Variants in DLG5 observed in about 807,000 individuals in gnomAD.
DLG5 encodes disks large homolog 5.
In DLG5, 48 loss-of-function variants were observed where a neutral mutation model predicts 189.8. That is an observed-to-expected ratio of 0.25 (90% CI 0.20 to 0.32). The LOEUF (loss-of-function observed/expected upper bound fraction) is 0.32, where lower values mean the gene tolerates loss of function less well. Among genes scored for constraint, DLG5 ranks in the 10% least tolerant of loss-of-function variants. The pLI is 1.00. For synonymous variants in DLG5, 1,016 were observed against 1,054.1 expected, an observed-to-expected ratio of 0.96 and a Z score of 0.70; for missense variants, 2,160 against 2,544.7, an observed-to-expected ratio of 0.85 and a Z score of 3.25.
rs111956218 is a variant in DLG5 at position 77,909,442 on chromosome 10, C to G, written c.304+16775G>C. Among the ~76,000 whole-genome samples the G allele has an allele frequency of 8.0e-3, 1,223 of 151,936 alleles. 19 individuals are homozygous for G. Among genetic ancestry groups the G allele is most frequent in the African/African-American group, 0.027 (1,110 of 41,426 alleles). The stretch of plus-strand genomic sequence containing the variant: ...ATGGGTGCAGCAAACCACCATGGCA[C>G]GTGTATACCTATGTAACAAGCCTGC... On this transcript the variant is annotated intron_variant, in intron 1 of 31. Coordinates refer to ENST00000372391, the MANE Select transcript of DLG5 (RefSeq NM_004747.4).
intron 2 of DLG5, among the ~76,000 whole-genome samples, chr10:77,864,396 TC>T (rs972166687): frequency 2.0e-5 from 3 of 151,938 alleles, no homozygotes; most frequent in Non-Finnish European, 2.9e-5. Flanking sequence ...CACCACGTCA[TC>T]CTCACCTACA....
the DLG5 span, among the ~76,000 whole-genome samples, chr10:77,938,484 AAGGGAG>A: frequency 2.6e-5 from 4 of 152,146 alleles, no homozygotes; most frequent in African/African-American, 9.7e-5. Context: ...ATGAATTAGG[AAGGGAG>A]AGGAGATTAC....
intron 1 of DLG5, among the ~76,000 whole-genome samples, chr10:77,899,327 A>G (rs1845856128): frequency 6.6e-6 from 1 of 152,220 alleles, no homozygotes; most frequent in Admixed American, 6.5e-5. Context: ...AACTGGTAGC[A>G]GAAAACTCCC....
chr10:77,820,331 G>T, intron 15 of DLG5: 1 of 193,780 alleles, frequency 5.2e-6, no homozygotes, highest in Non-Finnish European at 1.0e-5. Flanking sequence ...GGGTGACAGA[G>T]TGAGACTCCA....
In DLG5 at chr10:77,833,950, T is replaced by C. The variant is rs1277389246; in HGVS notation, c.1712A>G (p.Gln571Arg). The C allele has an allele frequency of 5.0e-6, 8 of 1,606,584 alleles. No homozygotes were observed. Among genetic ancestry groups the C allele is most frequent in the African/African-American group, 1.3e-5 (1 of 74,866 alleles). ...ALRSLDDTRK[Q>R]KNDVSRELKE... The stretch of plus-strand genomic sequence containing the variant: ...CAGCTCGCGGCTGACATCATTCTTC[T>C]GCTTGCGGGTGTCATCCAGGCTGCG... Residue 571 changes from glutamine (Q) to arginine (R), a missense_variant, in exon 9 of 32, where the codon CAG becomes CGG. Physicochemically the swap from Gln to Arg is conservative, Grantham distance 43 (BLOSUM62 1). Around this residue, in one of 5 missense-constraint regions of DLG5, gnomAD observed 664 missense variants for 838.5 expected, o/e 0.79. Transcript: ENST00000372391.
intron 5 of DLG5, among the ~76,000 whole-genome samples, chr10:77,851,943 A>ACC (rs887907258): frequency 1.3e-5 from 2 of 152,176 alleles, no homozygotes; most frequent in African/African-American, 4.8e-5. Context: ...GCATGAGGAG[A>ACC]CCAGGCCTGA....
chr10:77,803,170 G>A (rs1841302119), intron 27 of DLG5, among the ~76,000 whole-genome samples: 1 of 152,134 alleles, frequency 6.6e-6, no homozygotes, highest in South Asian at 2.1e-4. Flanking sequence ...TTTTTAAAAA[G>A]CAAGAAAGAA....
intron 5 of DLG5, among the ~76,000 whole-genome samples, chr10:77,845,945 A>G (rs1843668385): frequency 6.6e-6 from 1 of 150,778 alleles, no homozygotes. Flanking sequence ...AAAAAAAAAA[A>G]AAAAAAAAAA....
intron 13 of DLG5, among the ~76,000 whole-genome samples, chr10:77,825,437 G>T (rs1397516471): frequency 2.8e-5 from 4 of 140,798 alleles, no homozygotes; most frequent in African/African-American, 1.0e-4. Flanking sequence ...CAATATGCTA[G>T]CTTTGATATT....
At position 77,884,381 on chromosome 10, in the gene DLG5, C is replaced by T. The variant is rs141442687; in HGVS notation, c.305-15184G>A. 6.6e-5 allele frequency among the ~76,000 whole-genome samples: 10 copies of T among 152,254 alleles called. 1 individual carries two copies. In the East Asian group the frequency reaches 1.7e-3, roughly 26 times the overall value. On this transcript the variant is annotated intron_variant, in intron 1 of 31. Transcript: ENST00000372391. Reference sequence around the variant, plus strand: ...TTGAAAGAGCAGCCATGCATCACACCGCCTGCCTGAGTACTGTGCCTAAAG... The same window carrying T: ...TTGAAAGAGCAGCCATGCATCACACTGCCTGCCTGAGTACTGTGCCTAAAG...
At position 77,811,130 on chromosome 10, in the gene DLG5, C is replaced by A. The variant is rs200071187; in HGVS notation, c.4427G>T (p.Gly1476Val). ...VIDPLMEQDE[G>V]PSTPPAKQSS... ...CTGCTTGGCTGGGGGGGTGCTAGGC[C>A]CCTCGTCCTGCTCCATCAGTGGGTC... Residue 1476 changes from glycine to valine, a missense_variant, in exon 23 of 32, where the codon GGG becomes GTG. Gly to Val is a moderately radical substitution (Grantham distance 109). Coordinates refer to ENST00000372391, the MANE Select transcript of DLG5 (RefSeq NM_004747.4). The A allele has an allele frequency of 3.6e-5, 58 of 1,612,398 alleles. No individual in the cohort carries two copies. In the Admixed American group the frequency reaches 9.0e-4, roughly 25 times the overall value.
Position 77,869,212 on chromosome 10 carries a change from G to A in DLG5, c.305-15C>T. 1 of 1,613,190 alleles carries A rather than the reference G, an allele frequency of 6.2e-7. No individual in the cohort carries two copies. On this transcript the variant is annotated splice_polypyrimidine_tract_variant and intron_variant, in intron 1 of 31. Coordinates refer to ENST00000372391, the MANE Select transcript of DLG5 (RefSeq NM_004747.4). ...GTAGGTAGAACCTGGGGAAAGAGGGGAGACCATGTTACTAACCCCAAGGGG... is the reference window on the plus strand; with the variant it reads ...GTAGGTAGAACCTGGGGAAAGAGGGAAGACCATGTTACTAACCCCAAGGGG...
At chr10:77,794,151 G>A in intron 30 of DLG5, 34 bp from the exon 31 acceptor site, 1 of 1,577,652 alleles carries the variant, frequency 6.3e-7, no homozygotes, top group East Asian at 2.2e-5. Context: ...GCTGAGCACT[G>A]AGCCTCCTCC....
intron 2 of DLG5, chr10:77,868,132 C>G (rs916988667): frequency 2.2e-6 from 1 of 454,926 alleles, no homozygotes; most frequent in African/African-American, 2.0e-5. Context: ...TCCTCCAGAA[C>G]TGTGAGACAA....
intron 4 of DLG5, 36 bp from the exon 5 acceptor site, chr10:77,853,573 C>G (rs1416819539): frequency 2.7e-6 from 4 of 1,502,616 alleles, no homozygotes; most frequent in Non-Finnish European, 3.6e-6. Context: ...GAGCCCCAGC[C>G]AGCCCCTCAC....
rs770594164 is a variant in DLG5 at position 77,806,892 on chromosome 10, C to T, written c.4833G>A (p.Glu1611=). ...GGATGTCGTCCTTCTTAAAGCTCAA[C>T]TCTTGCTCCACATCTGCCAGCCGGT... ...LYDRLADVEQ[E]LSFKKDDILY... is the part of the protein sequence containing the mutation. Residue 1611 remains glutamate, a synonymous_variant, in exon 26 of 32, where the codon GAG becomes GAA. Transcript: ENST00000372391. 2 of 1,613,916 alleles carry T rather than the reference C, an allele frequency of 1.2e-6. No homozygotes were observed. Among genetic ancestry groups the T allele is most frequent in the East Asian group, 2.2e-5 (1 of 44,880 alleles).
the DLG5 span, among the ~76,000 whole-genome samples, chr10:77,938,339 G>T: frequency 6.6e-6 from 1 of 152,128 alleles, no homozygotes; most frequent in Non-Finnish European, 1.5e-5. Flanking sequence ...GCTGAGATCG[G>T]AGAATCACTT....
chr10:77,867,148 T>C (rs1844715371), intron 2 of DLG5: 2 of 449,896 alleles, frequency 4.4e-6, no homozygotes, highest in Non-Finnish European at 9.0e-6. Flanking sequence ...GCCATGACGC[T>C]TCTTCCAGAA....
chr10:77,916,904 A>AAT (rs55841913), intron 1 of DLG5, among the ~76,000 whole-genome samples: 38,244 of 128,930 alleles, frequency 0.3, 6,300 homozygotes, highest in Admixed American at 0.43. Flanking sequence ...TAAAATATAG[A>AAT]ATATATATAT....
Sources: gnomAD v4.1 joint callset for allele counts (sites outside exome capture counted in the v4.1 genomes callset) on GRCh38, gnomAD v4.1.1 for gene constraint, gnomAD v4.1.1 regional missense constraint, MANE v1.5 for transcripts, NCBI Gene and HGNC (gene_info 2026-07-23, HGNC 2026-07-21) for gene names.